LIN28A: variants seen among roughly 807,000 people sequenced by gnomAD.
LIN28A encodes the protein lin-28 RNA binding posttranscriptional regulator A.
A neutral mutation model predicts 21.1 loss-of-function variants in LIN28A; 11 were observed. That is an observed-to-expected ratio of 0.52 (90% CI 0.33 to 0.86). LIN28A has a LOEUF of 0.86. Ranked by LOEUF, LIN28A falls within the 40% of genes least tolerant of loss-of-function variation. The pLI is 0.03. For synonymous variants in LIN28A, 111 were observed against 108.7 expected, an observed-to-expected ratio of 1.02 and a Z score of -0.13; for missense variants, 219 against 279.8, an observed-to-expected ratio of 0.78 and a Z score of 1.55.
intron 2 of LIN28A, among the ~76,000 whole-genome samples, chr1:26,416,063 GC>G (rs1472809860): frequency 1.3e-5 from 2 of 152,100 alleles, no homozygotes; most frequent in Non-Finnish European, 2.9e-5. Flanking sequence ...CACGAACTCG[GC>G]TCACTGCAAC....
chr1:26,410,950 C>T, intron 1 of LIN28A, 28 bp downstream of exon 1: 1 of 1,600,894 alleles, frequency 6.2e-7, no homozygotes, highest in Non-Finnish European at 8.5e-7. Context: ...AGCGGGGACA[C>T]TTTAGGATTC....
chr1:26,416,361 G>C (rs2074993521), intron 2 of LIN28A, among the ~76,000 whole-genome samples: 1 of 152,170 alleles, frequency 6.6e-6, no homozygotes, highest in South Asian at 2.1e-4. Context: ...TCTACCCTCT[G>C]GTTGTTGACA....
At chr1:26,414,148 ACT>A (rs1300798553) in intron 2 of LIN28A, among the ~76,000 whole-genome samples, 1 of 150,894 alleles carries the variant, frequency 6.6e-6, no homozygotes, top group Admixed American at 6.6e-5. Flanking sequence ...ATTAGAAATG[ACT>A]CTCTGGAAAT....
rs1472689191 is a variant in LIN28A at position 26,411,650 on chromosome 1, C to T, written c.228+68C>T. ...GGCGCCCATATCCACGGGTGGGCTC[C>T]GGGCTCGCAGTTGAATTGAGGGCCA... is the stretch of plus-strand genomic sequence containing the variant. On this transcript the variant is annotated intron_variant, in intron 2 of 3. Coordinates refer to ENST00000326279, the MANE Select transcript of LIN28A (RefSeq NM_024674.6). The surrounding 1 kb of genome is among the most constrained non-coding windows in gnomAD (Gnocchi z 5.4). The T allele has an allele frequency of 2.6e-6, 4 of 1,521,508 alleles. No individual in the cohort carries two copies. Among genetic ancestry groups the T allele is most frequent in the Non-Finnish European group, 3.6e-6 (4 of 1,116,910 alleles). The allele number at this position is 1,521,508 out of a possible 1,614,324, so 94.3% of individuals were successfully genotyped here. A position where few individuals can be genotyped will look rare whatever the true frequency, so the allele number is the denominator to read the frequency against.
At chr1:26,425,820 T>C (rs1570318652) in intron 3 of LIN28A, among the ~76,000 whole-genome samples, 1 of 152,246 alleles carries the variant, frequency 6.6e-6, no homozygotes, top group East Asian at 1.9e-4. Context: ...ATTATCTATA[T>C]CTGTTGCTGC....
Position 26,411,687 on chromosome 1 carries a change from C to T in LIN28A, c.228+105C>T. ...TGAATTGAGGGCCATCGGGAGCCCT[C>T]ATTATGCATCCCTGTCTTTGCTTCG... On this transcript the variant is annotated intron_variant, in intron 2 of 3. Transcript: ENST00000326279. The surrounding 1 kb of genome is among the most constrained non-coding windows in gnomAD (Gnocchi z 5.4). 8.9e-7 allele frequency: 1 copy of T among 1,124,688 alleles called. No individual in the cohort carries two copies. Among genetic ancestry groups the T allele is most frequent in the East Asian group, 2.5e-5 (1 of 40,200 alleles). The allele number at this position is 1,124,688 out of a possible 1,614,324, so 69.7% of individuals were successfully genotyped here.
At position 26,425,306 on chromosome 1, in the gene LIN28A, A is replaced by G; in HGVS notation, c.232A>G (p.Lys78Glu). ...TTACTGCATTTCCCTTCACCAGAGT[A>G]AGCTGCACATGGAAGGGTTCCGGAG... ...PPVDVFVHQS[K>E]LHMEGFRSLK... is the part of the protein sequence containing the mutation. Residue 78 changes from lysine to glutamate, a missense_variant, in exon 3 of 4, where the codon AAG becomes GAG. Around this residue, in one of 3 missense-constraint regions of LIN28A, gnomAD observed 124 missense variants for 193.1 expected, o/e 0.64. Coordinates refer to ENST00000326279, the MANE Select transcript of LIN28A (RefSeq NM_024674.6). 1 of 1,612,568 alleles carries G rather than the reference A, an allele frequency of 6.2e-7. No individual in the cohort carries two copies. Among genetic ancestry groups the G allele is most frequent in the Non-Finnish European group, 8.5e-7 (1 of 1,179,636 alleles).
rs1384569965 is a variant in LIN28A, at chr1:26,427,885, A to T, written c.*1427A>T. 1 of 152,578 alleles carries T rather than the reference A, an allele frequency of 6.6e-6. No homozygotes were observed. The highest frequency in any genetic ancestry group is 1.5e-5 in the Non-Finnish European group (1 of 68,056). The allele number at this position is 152,578 out of a possible 1,614,324, so 9.5% of individuals were successfully genotyped here. A position where few individuals can be genotyped will look rare whatever the true frequency, so the allele number is the denominator to read the frequency against. Reference sequence around the variant, plus strand: ...TGTGTCCTGCCCTGCTACAGTAGTGATTAATAGTGTCATGGTAGCTAAAGG... The same window carrying T: ...TGTGTCCTGCCCTGCTACAGTAGTGTTTAATAGTGTCATGGTAGCTAAAGG... On this transcript the variant is annotated 3_prime_UTR_variant, in exon 4 of 4. Transcript: ENST00000326279.
intron 2 of LIN28A, among the ~76,000 whole-genome samples, chr1:26,423,301 C>A (rs2075037871): frequency 6.6e-6 from 1 of 151,826 alleles, no homozygotes; most frequent in Non-Finnish European, 1.5e-5. Context: ...TCAGCCTCCC[C>A]AAAGTGCTGG....
At chr1:26,414,221 G>A (rs183233685) in intron 2 of LIN28A, among the ~76,000 whole-genome samples, 243 of 136,510 alleles carry the variant, frequency 1.8e-3, no homozygotes, top group African/African-American at 5.8e-3. Context: ...GGAGGAAAGT[G>A]TTCCCGAAGC....
At chr1:26,422,441 G>T in intron 2 of LIN28A, among the ~76,000 whole-genome samples, 1 of 142,794 alleles carries the variant, frequency 7.0e-6, no homozygotes, top group Non-Finnish European at 1.5e-5. Flanking sequence ...CCTGTTTCAA[G>T]ATCCAATCTG....
intron 2 of LIN28A, among the ~76,000 whole-genome samples, chr1:26,413,246 TAA>T (rs910897344): frequency 6.6e-6 from 1 of 152,092 alleles, no homozygotes; most frequent in African/African-American, 2.4e-5. Flanking sequence ...GAGGCTGGAA[TAA>T]AAGAGTCAGA....
intron 2 of LIN28A, among the ~76,000 whole-genome samples, chr1:26,416,744 A>G (rs1051486193): frequency 2.0e-5 from 3 of 151,956 alleles, no homozygotes; most frequent in Non-Finnish European, 4.4e-5. Flanking sequence ...CAGCCACCCG[A>G]GTAGCTGGGA....
At chr1:26,419,962 A>G (rs2075018853) in intron 2 of LIN28A, among the ~76,000 whole-genome samples, 1 of 151,974 alleles carries the variant, frequency 6.6e-6, no homozygotes, top group African/African-American at 2.4e-5. Context: ...AATCTAATAT[A>G]ATCTTTATTT....
chr1:26,420,829 CTGT>C (rs2075024785), intron 2 of LIN28A, among the ~76,000 whole-genome samples: 1 of 152,132 alleles, frequency 6.6e-6, no homozygotes, highest in Non-Finnish European at 1.5e-5. Flanking sequence ...ATATTTGACA[CTGT>C]TGTTTTACTA....
At chr1:26,417,165 T>TA (rs2124290625) in intron 2 of LIN28A, among the ~76,000 whole-genome samples, 1 of 152,320 alleles carries the variant, frequency 6.6e-6, no homozygotes, top group African/African-American at 2.4e-5. Context: ...TACCTCCTGG[T>TA]ATAGGCGCCC....
At chr1:26,422,930 T>C (rs1207885781) in intron 2 of LIN28A, among the ~76,000 whole-genome samples, 1 of 152,144 alleles carries the variant, frequency 6.6e-6, no homozygotes, top group East Asian at 1.9e-4. Flanking sequence ...TCTGAGGGTT[T>C]TGGTGTTTTT....
intron 2 of LIN28A, among the ~76,000 whole-genome samples, chr1:26,414,810 G>A (rs187862272): frequency 6.6e-6 from 1 of 152,178 alleles, no homozygotes; most frequent in East Asian, 1.9e-4. Context: ...TGCATCTTAG[G>A]TATGACAACC....
chr1:26,424,221 A>G (rs1203018732), intron 2 of LIN28A, among the ~76,000 whole-genome samples: 1 of 151,990 alleles, frequency 6.6e-6, no homozygotes, highest in African/African-American at 2.4e-5. Context: ...TCAGTGCTTC[A>G]TAGCGTGACA....
Sources: gnomAD v4.1 joint callset for allele counts (sites outside exome capture counted in the v4.1 genomes callset) on GRCh38, gnomAD v4.1.1 for gene constraint, gnomAD v4.1.1 regional missense constraint, Gnocchi (gnomAD v3.1) non-coding constraint, MANE v1.5 for transcripts, NCBI Gene and HGNC (gene_info 2026-07-23, HGNC 2026-07-21) for gene names.